RIMS2: variants seen among roughly 807,000 people sequenced by gnomAD.
RIMS2 encodes regulating synaptic membrane exocytosis 2, also known as regulating synaptic membrane exocytosis protein 2.
A neutral mutation model predicts 174.4 loss-of-function variants in RIMS2; 59 were observed. The ratio of observed to expected loss-of-function variants is 0.34; its 90% confidence interval spans 0.27 to 0.42. The LOEUF (loss-of-function observed/expected upper bound fraction) is 0.42. Among genes scored for constraint, RIMS2 ranks in the 10% least tolerant of loss-of-function variants. RIMS2 has a pLI of 1.00. For missense variants in RIMS2, 1,620 were observed against 1,666.3 expected, an observed-to-expected ratio of 0.97 and a Z score of 0.48; for synonymous variants, 606 against 572.5, an observed-to-expected ratio of 1.06 and a Z score of -0.84.
intron 2 of RIMS2, among the ~76,000 whole-genome samples, chr8:103,755,598 T>C (rs775314033): frequency 2.6e-5 from 4 of 152,192 alleles, no homozygotes; most frequent in Non-Finnish European, 5.9e-5. Flanking sequence ...TTTCACATTG[T>C]CCTTTACTTC....
chr8:104,014,538 G>C, exon 19 of RIMS2: 1 of 1,612,356 alleles, frequency 6.2e-7, no homozygotes, highest in Non-Finnish European at 8.5e-7. Context: ...GTCCAGACAA[G>C]CCCATCAAGT....
chr8:104,093,515 T>C, intron 19 of RIMS2: 4 of 1,597,346 alleles, frequency 2.5e-6, no homozygotes, highest in Non-Finnish European at 3.4e-6. Flanking sequence ...ATAATGTTTC[T>C]ACTAAATCTT....
At chr8:103,501,927 AGG>A (rs1820308974) in intron 1 of RIMS2, among the ~76,000 whole-genome samples, 1 of 152,220 alleles carries the variant, frequency 6.6e-6, no homozygotes, top group Non-Finnish European at 1.5e-5. Context: ...CTGTCCAGAC[AGG>A]GTTATCTTTA....
At chr8:103,621,116 C>T (rs550454210) in intron 1 of RIMS2, among the ~76,000 whole-genome samples, 3 of 152,294 alleles carry the variant, frequency 2.0e-5, no homozygotes, top group Admixed American at 2.0e-4. Context: ...GGGATTATGT[C>T]TTATTTATGT....
intron 19 of RIMS2, among the ~76,000 whole-genome samples, chr8:104,096,957 A>G (rs994922719): frequency 7.2e-5 from 11 of 152,080 alleles, no homozygotes; most frequent in Admixed American, 6.5e-5. Flanking sequence ...ATTTGCTTTT[A>G]CTTCTTAGAA....
intron 1 of RIMS2, among the ~76,000 whole-genome samples, chr8:103,630,602 GAAAC>G (rs2095892656): frequency 1.8e-5 from 2 of 112,194 alleles, no homozygotes; most frequent in Middle Eastern, 4.4e-3. Flanking sequence ...AAAAAAAAAA[GAAAC>G]AAAGATGTCT....
intron 19 of RIMS2, 143 bp downstream of exon 25, chr8:104,148,991 T>G: frequency 1.2e-6 from 1 of 813,686 alleles, no homozygotes. Flanking sequence ...TAGTTAACCT[T>G]TCTGAAATCA....
intron 19 of RIMS2, among the ~76,000 whole-genome samples, chr8:104,107,549 C>G (rs2098095773): frequency 6.6e-6 from 1 of 152,174 alleles, no homozygotes; most frequent in Non-Finnish European, 1.5e-5. Flanking sequence ...TGAAAGTTTA[C>G]ACATGTGAAG....
chr8:103,652,724 T>A lies in RIMS2; in HGVS notation c.177-44362T>A, dbSNP rs1226992845. On this transcript the variant is annotated intron_variant, in intron 1 of 23. Transcript: ENST00000504942. Reference sequence around the variant, plus strand: ...GGAGCCCCAGACGTAAGTAAGCTGATCTATATAGACTAAATATTATCTCTG... The same window carrying A: ...GGAGCCCCAGACGTAAGTAAGCTGAACTATATAGACTAAATATTATCTCTG... 3.1e-6 allele frequency: 4 copies of A among 1,306,944 alleles called. No homozygotes were observed. The South Asian group carries it at 4.7e-5, about 15-fold the overall frequency. 81.0% of individuals were successfully genotyped at this position (1,306,944 alleles called of 1,614,324 possible). A position where few individuals can be genotyped will look rare whatever the true frequency, so the allele number is the denominator to read the frequency against.
chr8:103,519,840 A>G (rs1187644393), intron 1 of RIMS2, among the ~76,000 whole-genome samples: 1 of 151,008 alleles, frequency 6.6e-6, no homozygotes, highest in African/African-American at 2.4e-5. Flanking sequence ...TTCAGGAAAA[A>G]TTTTCCTCTT....
In RIMS2 at chr8:103,502,560, A is replaced by T. The variant is rs539047642; in HGVS notation, c.176+1498A>T. On this transcript the variant is annotated intron_variant, in intron 1 of 23. Transcript: ENST00000504942. ...AGATATGAAGAAATTAAGAGACTTA[A>T]GCAGTTTACTCTAACTAATAGAAGA... Among the ~76,000 whole-genome samples the T allele has an allele frequency of 3.9e-5, 6 of 152,274 alleles. No individual in the cohort carries two copies. In the South Asian group the frequency reaches 1.2e-3, roughly 32 times the overall value.
chr8:103,616,722 C>A (rs945152916), intron 1 of RIMS2, among the ~76,000 whole-genome samples: 2 of 152,026 alleles, frequency 1.3e-5, no homozygotes, highest in Admixed American at 6.6e-5. Flanking sequence ...TTTCCATGCA[C>A]CAACAATAAC....
chr8:103,765,964 A>G (rs1480094353), intron 2 of RIMS2, among the ~76,000 whole-genome samples: 2 of 152,120 alleles, frequency 1.3e-5, no homozygotes, highest in Non-Finnish European at 2.9e-5. Flanking sequence ...AACTAATTAA[A>G]TAATACAAAT....
intron 1 of RIMS2, among the ~76,000 whole-genome samples, chr8:103,524,414 A>G (rs1487933434): frequency 6.6e-6 from 1 of 152,168 alleles, no homozygotes; most frequent in African/African-American, 2.4e-5. Flanking sequence ...GAAAACAAAA[A>G]CCACACTAAA....
intron 19 of RIMS2, among the ~76,000 whole-genome samples, chr8:104,117,673 G>A (rs1162169590): frequency 1.3e-5 from 2 of 152,134 alleles, no homozygotes; most frequent in Non-Finnish European, 2.9e-5. Context: ...TCCAGGGAAT[G>A]TAATTGTGGG....
intron 1 of RIMS2, among the ~76,000 whole-genome samples, chr8:103,571,167 G>A (rs546150693): frequency 6.6e-6 from 1 of 152,146 alleles, no homozygotes; most frequent in African/African-American, 2.4e-5. Flanking sequence ...CTATGCTCTA[G>A]TATTGTGTTT....
At chr8:103,852,731 A>T (rs774175344) in intron 3 of RIMS2, among the ~76,000 whole-genome samples, 24 of 152,164 alleles carry the variant, frequency 1.6e-4, no homozygotes, top group Admixed American at 4.6e-4. Flanking sequence ...TGCAAAGGAC[A>T]TGATTTACTT....
chr8:103,712,808 T>C (rs7002230), intron 2 of RIMS2, among the ~76,000 whole-genome samples: 26,741 of 152,070 alleles, frequency 0.18, 2,548 homozygotes, highest in African/African-American at 0.23. Flanking sequence ...AAATGGAATA[T>C]CCAGTTAACT....
At position 103,916,543 on chromosome 8, in the gene RIMS2, T is replaced by A; in HGVS notation, c.2036+6T>A. 6.3e-7 allele frequency: 1 copy of A among 1,599,938 alleles called. No individual in the cohort carries two copies. Among genetic ancestry groups the A allele is most frequent in the Non-Finnish European group, 8.5e-7 (1 of 1,174,736 alleles). ...GTAGTTTCAAGGCCTATTGGGTAAG[T>A]TGGTTTCAGTATTTTATATGTGTGT... On this transcript the variant is annotated splice_donor_region_variant and intron_variant, in intron 8 of 23. Coordinates refer to ENST00000504942, the Ensembl canonical transcript of RIMS2.
Sources: allele counts gnomAD v4.1 joint callset (sites outside exome capture counted in the v4.1 genomes callset), GRCh38; gene constraint gnomAD v4.1.1; transcripts MANE v1.5; gene names NCBI Gene and HGNC (gene_info 2026-07-23, HGNC 2026-07-21).